Variants in NDUFA7 observed in about 807,000 individuals in gnomAD.
NDUFA7 encodes NADH dehydrogenase [ubiquinone] 1 alpha subcomplex subunit 7.
Under a neutral mutation model 14.2 loss-of-function variants are expected in NDUFA7, and 18 were observed. The observed-to-expected ratio is 1.27, with a 90% CI of 0.88 to 1.88. The LOEUF is 1.88. Among genes scored for constraint, NDUFA7 ranks in the 40% most tolerant of loss-of-function variants. NDUFA7 has a pLI of 0.00. For missense variants in NDUFA7, 172 were observed against 147.3 expected, an observed-to-expected ratio of 1.17 and a Z score of -0.87; for synonymous variants, 75 against 62.1, an observed-to-expected ratio of 1.21 and a Z score of -0.98.
intron 3 of NDUFA7, among the ~76,000 whole-genome samples, chr19:8,314,392 AG>A (rs1280389877): frequency 7.0e-6 from 1 of 143,684 alleles, no homozygotes; most frequent in African/African-American, 3.0e-5. Context: ...GGACCCTTGG[AG>A]GGACCCCGGA....
chr19:8,309,522 G>A (rs1970149787), downstream of NDUFA7, among the ~76,000 whole-genome samples: 1 of 151,736 alleles, frequency 6.6e-6, no homozygotes. Flanking sequence ...GATGCCGTCA[G>A]CGGCATGCCT....
chr19:8,310,869 T>G (rs1392227498), downstream of NDUFA7: 1 of 146,922 alleles, frequency 6.8e-6, no homozygotes, highest in African/African-American at 2.6e-5. Context: ...AAAAAAAAAA[T>G]TAGCGGGTAT....
At chr19:8,317,927 C>T (rs1158961621) in intron 2 of NDUFA7, among the ~76,000 whole-genome samples, 1 of 152,154 alleles carries the variant, frequency 6.6e-6, no homozygotes, top group Admixed American at 6.6e-5. Context: ...CTCACCTTGG[C>T]CTCCCAAAGT....
At chr19:8,311,633 A>C (rs1215137521) in intron 3 of NDUFA7, 38 bp from the exon 4 acceptor site, 2 of 1,574,892 alleles carry the variant, frequency 1.3e-6, no homozygotes, top group African/African-American at 1.4e-5. Context: ...GTTTCCAAAG[A>C]ACAGTGTGGA....
At chr19:8,314,170 A>G (rs1970208403) in intron 3 of NDUFA7, among the ~76,000 whole-genome samples, 1 of 152,064 alleles carries the variant, frequency 6.6e-6, no homozygotes, top group Non-Finnish European at 1.5e-5. Context: ...AAAAATACAA[A>G]ATTAGCCTGG....
intron 2 of NDUFA7, 197 bp from the exon 3 acceptor site, chr19:8,316,842 G>A: frequency 1.6e-6 from 1 of 609,198 alleles, no homozygotes; most frequent in East Asian, 2.9e-5. Context: ...AGCAGATGGT[G>A]GACCCTGCTC....
chr19:8,316,602 G>A lies in NDUFA7; in HGVS notation c.145C>T (p.Leu49Phe). Residue 49 changes from leucine to phenylalanine, a missense_variant, in exon 3 of 4, where the codon CTC becomes TTC. Transcript: ENST00000301457. ...PKLPVGPSHKLSNNYYCTRDG... is the reference protein window; with the variant it reads ...PKLPVGPSHKFSNNYYCTRDG... ...CGAGTGCAATAGTAATTGTTGGAGA[G>A]CTTGTGGCTAGGACCCACAGGGAGC... 4 of 1,614,182 alleles carry A rather than the reference G, an allele frequency of 2.5e-6. No individual in the cohort carries two copies. Among genetic ancestry groups the A allele is most frequent in the Non-Finnish European group, 3.4e-6 (4 of 1,180,024 alleles).
At chr19:8,311,000 G>A (rs918645074), downstream of NDUFA7, among the ~76,000 whole-genome samples, 20 of 152,102 alleles carry the variant, frequency 1.3e-4, no homozygotes, top group Non-Finnish European at 2.4e-4. Flanking sequence ...GGTGACAAGC[G>A]CGAAAACTCT....
At chr19:8,312,180 C>A (rs542601547) in intron 3 of NDUFA7, among the ~76,000 whole-genome samples, 1 of 152,214 alleles carries the variant, frequency 6.6e-6, no homozygotes, top group African/African-American at 2.4e-5. Flanking sequence ...GACCCTGTGC[C>A]GGCAAGTCCA....
At chr19:8,310,132 C>T (rs1970159397), downstream of NDUFA7, among the ~76,000 whole-genome samples, 1 of 152,086 alleles carries the variant, frequency 6.6e-6, no homozygotes, top group Non-Finnish European at 1.5e-5. Flanking sequence ...TGGGAGCCCT[C>T]AAGAGATGGA....
At chr19:8,313,678 T>C (rs1031321286) in intron 3 of NDUFA7, among the ~76,000 whole-genome samples, 4 of 152,244 alleles carry the variant, frequency 2.6e-5, no homozygotes, top group African/African-American at 7.2e-5. Context: ...GAGTTGGCTG[T>C]AGAGCCCAGA....
chr19:8,317,938 G>T (rs969281604), intron 2 of NDUFA7, among the ~76,000 whole-genome samples: 1 of 152,168 alleles, frequency 6.6e-6, no homozygotes, highest in Non-Finnish European at 1.5e-5. Context: ...CTCCCAAAGT[G>T]CTGGGATTAC....
chr19:8,318,150 T>C (rs898929395), intron 2 of NDUFA7, among the ~76,000 whole-genome samples: 5 of 151,868 alleles, frequency 3.3e-5, no homozygotes, highest in Admixed American at 2.0e-4. Context: ...AGGAGTGTTT[T>C]TTTTGTTTGT....
chr19:8,318,349 T>C (rs978841706), intron 2 of NDUFA7, among the ~76,000 whole-genome samples: 13 of 151,586 alleles, frequency 8.6e-5, no homozygotes, highest in African/African-American at 2.9e-4. Flanking sequence ...GGGTTTTCAC[T>C]ATGTTGGCCA....
intron 2 of NDUFA7, among the ~76,000 whole-genome samples, chr19:8,319,109 G>A (rs1599633190): frequency 6.6e-6 from 1 of 151,636 alleles, no homozygotes; most frequent in South Asian, 2.1e-4. Flanking sequence ...CAACTAGGGG[G>A]GTCGGGGGTT....
intron 3 of NDUFA7, among the ~76,000 whole-genome samples, chr19:8,312,248 C>A (rs1449730671): frequency 2.0e-5 from 3 of 152,238 alleles, no homozygotes; most frequent in African/African-American, 7.2e-5. Flanking sequence ...TCACACACTT[C>A]ACAGCCTAAG....
chr19:8,316,825 G>T, intron 2 of NDUFA7, 180 bp from the exon 3 acceptor site: 2 of 678,636 alleles, frequency 2.9e-6, no homozygotes, highest in Non-Finnish European at 4.9e-6. Context: ...GGGGTCCTGG[G>T]GCCAGAAGCA....
intron 3 of NDUFA7, among the ~76,000 whole-genome samples, chr19:8,313,234 C>CTT (rs1422481406): frequency 0.015 from 2,133 of 140,802 alleles, 60 homozygotes; most frequent in African/African-American, 0.052. Flanking sequence ...TCACAGAGTT[C>CTT]TTTTTTTTTT....
chr19:8,320,219 A>G (rs1204363531), intron 2 of NDUFA7, among the ~76,000 whole-genome samples: 2 of 152,294 alleles, frequency 1.3e-5, no homozygotes, highest in East Asian at 1.9e-4. Flanking sequence ...CTCAACTGTC[A>G]ATTTCCAAAG....
Sources: allele counts gnomAD v4.1 joint callset (sites outside exome capture counted in the v4.1 genomes callset), GRCh38; gene constraint gnomAD v4.1.1; transcripts MANE v1.5; gene names NCBI Gene and HGNC (gene_info 2026-07-23, HGNC 2026-07-21).